EML5: variants seen among roughly 807,000 people sequenced by gnomAD.
EML5 encodes EMAP like 5, also known as echinoderm microtubule-associated protein-like 5.
Under a neutral mutation model 250.0 loss-of-function variants are expected in EML5, and 120 were observed. The ratio of observed to expected loss-of-function variants is 0.48; its 90% CI spans 0.41 to 0.56. The LOEUF (loss-of-function observed/expected upper bound fraction) is 0.56, where lower values mean the gene tolerates loss of function less well. Among genes scored for constraint, EML5 ranks in the 20% least tolerant of loss-of-function variants. The pLI is 0.00. For missense variants in EML5, 2,006 were observed against 2,437.6 expected (o/e 0.82, Z 3.73); for synonymous variants, 771 against 806.5 (o/e 0.96, Z 0.75).
intron 1 of EML5, among the ~76,000 whole-genome samples, chr14:88,767,147 G>A (rs1393021880): frequency 6.6e-6 from 1 of 152,130 alleles, no homozygotes; most frequent in Non-Finnish European, 1.5e-5. Flanking sequence ...TATTTCAGCA[G>A]ACAAGCAATC....
intron 37 of EML5, 134 bp downstream of exon 37, chr14:88,622,468 CAG>C (rs1410407690): frequency 7.5e-5 from 48 of 641,716 alleles, no homozygotes; most frequent in Middle Eastern, 5.4e-4. Context: ...GCAGCAAAGA[CAG>C]AGTAATGTTG....
At chr14:88,656,952 T>C (rs185194224) in intron 27 of EML5, among the ~76,000 whole-genome samples, 43 of 152,284 alleles carry the variant, frequency 2.8e-4, no homozygotes, top group African/African-American at 8.7e-4. Flanking sequence ...CCTAAACCAA[T>C]AGTGTTAACA....
chr14:88,671,442 G>A (rs1302475515), intron 21 of EML5, among the ~76,000 whole-genome samples: 1 of 152,218 alleles, frequency 6.6e-6, no homozygotes, highest in Admixed American at 6.5e-5. Context: ...ACCAGCCACT[G>A]CAAAAACACA....
At chr14:88,726,928 G>A (rs2093674889) in intron 7 of EML5, among the ~76,000 whole-genome samples, 1 of 152,142 alleles carries the variant, frequency 6.6e-6, no homozygotes, top group African/African-American at 2.4e-5. Flanking sequence ...GAGTGCAGTG[G>A]CGTGATCATA....
chr14:88,631,520 G>C (rs950686257), intron 33 of EML5, among the ~76,000 whole-genome samples: 17 of 152,212 alleles, frequency 1.1e-4, no homozygotes, highest in African/African-American at 4.1e-4. Flanking sequence ...TGTAATCCCA[G>C]CACTTTGAGA....
intron 19 of EML5, among the ~76,000 whole-genome samples, chr14:88,686,218 T>G (rs1030092514): frequency 6.6e-6 from 1 of 152,042 alleles, no homozygotes; most frequent in Non-Finnish European, 1.5e-5. Context: ...AGGAAGGACA[T>G]GTTTTAGGAA....
intron 29 of EML5, 79 bp downstream of exon 29, chr14:88,646,868 A>G: frequency 3.5e-6 from 5 of 1,437,994 alleles, no homozygotes; most frequent in Non-Finnish European, 4.7e-6. Flanking sequence ...ACTAAGTAAC[A>G]GTATCCCATT....
chr14:88,652,782 A>G (rs1247312111), intron 27 of EML5, among the ~76,000 whole-genome samples: 2 of 151,854 alleles, frequency 1.3e-5, no homozygotes, highest in Non-Finnish European at 2.9e-5. Flanking sequence ...ATCCCTTTTT[A>G]TTGTTTACCA....
At chr14:88,692,162 G>T (rs2092973642) in intron 17 of EML5, among the ~76,000 whole-genome samples, 1 of 152,112 alleles carries the variant, frequency 6.6e-6, no homozygotes, top group South Asian at 2.1e-4. Flanking sequence ...ATCACCTGGA[G>T]TCAGGGAGTT....
At chr14:88,673,078 C>A (rs989554871) in intron 21 of EML5, among the ~76,000 whole-genome samples, 3 of 151,614 alleles carry the variant, frequency 2.0e-5, no homozygotes, top group African/African-American at 7.3e-5. Flanking sequence ...GGCAGAGATG[C>A]AACAAAAAAA....
At chr14:88,616,284 A>C in intron 42 of EML5, 42 bp from the exon 43 acceptor site, 1 of 1,583,742 alleles carries the variant, frequency 6.3e-7, no homozygotes, top group Non-Finnish European at 8.7e-7. Flanking sequence ...TTTGGTGCAC[A>C]CAGAAGTCAA....
chr14:88,688,535 A>C (rs1566637366), intron 17 of EML5, 62 bp from the exon 18 acceptor site: 1 of 1,535,966 alleles, frequency 6.5e-7, no homozygotes, highest in African/African-American at 1.4e-5. Context: ...ATAAAGAAGC[A>C]AAGTTTCTTT....
At chr14:88,627,548 G>T in intron 34 of EML5, 98 bp downstream of exon 34, 1 of 1,272,822 alleles carries the variant, frequency 7.9e-7, no homozygotes, top group Non-Finnish European at 1.1e-6. Context: ...CTGAATGATT[G>T]TTTCAACCAC....
intron 21 of EML5, among the ~76,000 whole-genome samples, chr14:88,681,321 T>G (rs916372290): frequency 6.6e-6 from 1 of 152,200 alleles, no homozygotes; most frequent in African/African-American, 2.4e-5. Flanking sequence ...CATTTTAAAC[T>G]TGGAATTGGC....
At position 88,630,949 on chromosome 14, in the gene EML5, G is replaced by A. The variant is rs1436636874; in HGVS notation, c.4358-3130C>T. ...ACTCCTGAAGTAGCACACTCCGGAG[G>A]CTACCCTCCCTCTTCATTCTTGTGT... On this transcript the variant is annotated intron_variant, in intron 33 of 43. Coordinates refer to ENST00000554922, the MANE Select transcript of EML5 (RefSeq NM_183387.3). 2.0e-5 allele frequency among the ~76,000 whole-genome samples: 3 copies of A among 152,134 alleles called. No individual in the cohort carries two copies. In the East Asian group the frequency reaches 5.8e-4, roughly 29 times the overall value.
chr14:88,665,213 T>C, intron 22 of EML5, 124 bp downstream of exon 22: 1 of 1,032,108 alleles, frequency 9.7e-7, no homozygotes. Context: ...CTTGCTACAC[T>C]GCCTCTTCTA....
At chr14:88,670,866 GA>G (rs769084380) in intron 21 of EML5, among the ~76,000 whole-genome samples, 2,190 of 141,786 alleles carry the variant, frequency 0.015, 49 homozygotes, top group African/African-American at 0.049. Context: ...CAAGATTAGA[GA>G]AAAAAAAAAA....
chr14:88,630,458 CCTACCA>C (rs2090378574), intron 33 of EML5, among the ~76,000 whole-genome samples: 2 of 152,152 alleles, frequency 1.3e-5, no homozygotes, highest in Non-Finnish European at 2.9e-5. Context: ...ATCCTTTCTT[CCTACCA>C]AGGCTCCAGT....
chr14:88,661,577 T>C, intron 25 of EML5, 77 bp downstream of exon 25: 6 of 1,273,466 alleles, frequency 4.7e-6, no homozygotes, highest in South Asian at 4.6e-5. Flanking sequence ...TTAATAACAA[T>C]GAAGTGCTAT....
Sources: gnomAD v4.1 joint callset for allele counts (sites outside exome capture counted in the v4.1 genomes callset) on GRCh38, gnomAD v4.1.1 for gene constraint, MANE v1.5 for transcripts, NCBI Gene and HGNC (gene_info 2026-07-23, HGNC 2026-07-21) for gene names.